The following ANKRD11 variants were observed in gnomAD, a reference collection of about 807,000 sequenced individuals.
The protein encoded by ANKRD11 is ankyrin repeat domain-containing protein 11.
ANKRD11 carries 17 observed loss-of-function variants against 195.7 expected under a neutral mutation model. The ratio of observed to expected loss-of-function variants is 0.09; its 90% CI spans 0.06 to 0.13. The LOEUF is 0.13. Ranked by LOEUF, ANKRD11 falls within the 10% of genes least tolerant of loss-of-function variation. ANKRD11 has a pLI of 1.00. For missense variants in ANKRD11, 3,735 were observed against 3,566.1 expected, an observed-to-expected ratio of 1.05 and a Z score of -1.21; for synonymous variants, 1,953 against 1,528.1, an observed-to-expected ratio of 1.28 and a Z score of -6.49.
Position 89,301,647 on chromosome 16 carries a change from C to T in ANKRD11, c.226+3559G>A, listed in dbSNP as rs539515629. The T allele has an allele frequency of 1.9e-4, 75 of 398,736 alleles. 1 individual carries two copies. The South Asian group carries it at 9.2e-3, about 49-fold the overall frequency. The allele number at this position is 398,736 out of a possible 1,614,324, so 24.7% of individuals were successfully genotyped here. A position where few individuals can be genotyped will look rare whatever the true frequency, so the allele number is the denominator to read the frequency against. On this transcript the variant is annotated intron_variant, in intron 4 of 12. Transcript: ENST00000301030. Reference sequence around the variant, plus strand: ...CTCTTGCCCAGCGCTCTGGAAGACACAGAGGTGATGCTGTCACATGCTCAC... The same window carrying T: ...CTCTTGCCCAGCGCTCTGGAAGACATAGAGGTGATGCTGTCACATGCTCAC...
rs1400566522 is a variant in ANKRD11, at chr16:89,281,284, G to A, written c.5258C>T (p.Thr1753Ile). Residue 1753 changes from threonine (T) to isoleucine (I), a missense_variant, in exon 9 of 13, where the codon ACC (threonine) becomes ATC (isoleucine). Physicochemically the swap from Thr to Ile is moderately conservative, Grantham distance 89. Coordinates refer to ENST00000301030, the MANE Select transcript of ANKRD11 (RefSeq NM_013275.6). This position sits in a 1 kb window ranked among gnomAD's most constrained non-coding sequence, Gnocchi z 5.5. ...QHSTPVPTAP[T>I]SACSPSFFDR... ...GAAAAAGGAGGGGGAGCAGGCGCTG[G>A]TGGGAGCGGTGGGCACGGGCGTGGA... 3.7e-6 allele frequency: 6 copies of A among 1,614,130 alleles called. No homozygotes were observed. Among genetic ancestry groups the A allele is most frequent in the Non-Finnish European group, 5.1e-6 (6 of 1,180,050 alleles).
At chr16:89,301,485 G>A in intron 4 of ANKRD11, 1 of 398,678 alleles carries the variant, frequency 2.5e-6, no homozygotes, top group Admixed American at 4.4e-5. Flanking sequence ...GGGCAGGCAA[G>A]ATGGGCTAGA....
intron 1 of ANKRD11, among the ~76,000 whole-genome samples, chr16:89,455,709 T>A (rs569256356): frequency 6.6e-6 from 1 of 152,156 alleles, no homozygotes; most frequent in Admixed American, 6.6e-5. Context: ...GCAGCCCCCA[T>A]TGCTGGTACA....
At chr16:89,274,669 A>G (rs976921273) in intron 11 of ANKRD11, 145 bp downstream of exon 11, 1 of 1,219,288 alleles carries the variant, frequency 8.2e-7, no homozygotes, top group African/African-American at 1.5e-5. Flanking sequence ...CCAAGGCTAG[A>G]GGCATGCAAA....
intron 2 of ANKRD11, among the ~76,000 whole-genome samples, chr16:89,330,536 G>A (rs2037993927): frequency 6.6e-6 from 1 of 151,866 alleles, no homozygotes; most frequent in African/African-American, 2.4e-5. Context: ...GGTTTCCACA[G>A]TGCAGTCATT....
chr16:89,394,053 C>T (rs2041319033), intron 2 of ANKRD11, among the ~76,000 whole-genome samples: 2 of 152,194 alleles, frequency 1.3e-5, no homozygotes, highest in Non-Finnish European at 2.9e-5. Flanking sequence ...CTGCAGCTCA[C>T]AGGGTGCTCC....
intron 2 of ANKRD11, among the ~76,000 whole-genome samples, chr16:89,386,123 A>C (rs1427667635): frequency 3.3e-5 from 5 of 152,250 alleles, no homozygotes; most frequent in Admixed American, 1.3e-4. Context: ...GTTTTTAAGT[A>C]AAGTCATTAC....
At chr16:89,364,202 T>G (rs1366720752) in intron 2 of ANKRD11, among the ~76,000 whole-genome samples, 2 of 152,230 alleles carry the variant, frequency 1.3e-5, no homozygotes, top group Non-Finnish European at 2.9e-5. Flanking sequence ...CACTTCCACC[T>G]GTGCCCTCAG....
chr16:89,479,856 T>C (rs1367345963), intron 1 of ANKRD11, among the ~76,000 whole-genome samples: 2 of 144,380 alleles, frequency 1.4e-5, no homozygotes, highest in African/African-American at 5.2e-5. Context: ...GGCAGGAGAA[T>C]GGCATGAACC....
Position 89,280,479 on chromosome 16 carries a change from A to G in ANKRD11, c.6063T>C (p.Ser2021=). 6.3e-7 allele frequency: 1 copy of G among 1,587,212 alleles called. No individual in the cohort carries two copies. The highest frequency in any genetic ancestry group is 1.3e-5 in the African/African-American group (1 of 74,412). Residue 2021 remains serine, a synonymous_variant, in exon 9 of 13, where the codon TCT becomes TCC. Transcript: ENST00000301030. ...SEAPYPAPPA[S]PAPYALPVAE... ...CGACGGGCAGAGCGTACGGGGCAGG[A>G]GAGGCGGGAGGGGCGGGGTACGGCG...
At chr16:89,402,088 ACT>A (rs1245853539) in intron 2 of ANKRD11, among the ~76,000 whole-genome samples, 2 of 151,752 alleles carry the variant, frequency 1.3e-5, no homozygotes, top group Admixed American at 6.6e-5. Flanking sequence ...ACCAAGTTTC[ACT>A]CTCTGTCCAT....
At chr16:89,269,191 C>T (rs1300368472) in intron 12 of ANKRD11, among the ~76,000 whole-genome samples, 1 of 152,056 alleles carries the variant, frequency 6.6e-6, no homozygotes, top group African/African-American at 2.4e-5. Context: ...TTTTTAGATA[C>T]CGTCTCAAGG....
At position 89,379,145 on chromosome 16, in the gene ANKRD11, G is replaced by A. The variant is rs150618139; in HGVS notation, c.-60+39139C>T. Among the ~76,000 whole-genome samples the A allele has an allele frequency of 9.2e-3, 1,397 of 152,302 alleles. 20 individuals are homozygous for A. Among genetic ancestry groups the A allele is most frequent in the African/African-American group, 0.032 (1,329 of 41,562 alleles). On this transcript the variant is annotated intron_variant, in intron 2 of 12. Coordinates refer to ENST00000301030, the MANE Select transcript of ANKRD11 (RefSeq NM_013275.6). ...TCACTGGCTTCTAGAAGGTGGGGCC[G>A]GCCCCCATGCCTGCCCCGGCACACG...
intron 3 of ANKRD11, 32 bp downstream of exon 3, chr16:89,316,901 G>C (rs75447322): frequency 6.2e-7 from 1 of 1,607,644 alleles, no homozygotes; most frequent in East Asian, 2.2e-5. Context: ...TGGGTGCGGT[G>C]AGCATGCAGG....
chr16:89,345,059 C>A (rs1236293355), intron 2 of ANKRD11, among the ~76,000 whole-genome samples: 1 of 152,158 alleles, frequency 6.6e-6, no homozygotes, highest in East Asian at 1.9e-4. Flanking sequence ...AAGCCCAGCT[C>A]GGATGGTTTC....
At chr16:89,345,206 T>A (rs1391388462) in intron 2 of ANKRD11, among the ~76,000 whole-genome samples, 1 of 150,468 alleles carries the variant, frequency 6.6e-6, no homozygotes, top group Admixed American at 6.6e-5. Context: ...ACTGTAAAGA[T>A]GGAAAAAAAA....
intron 2 of ANKRD11, among the ~76,000 whole-genome samples, chr16:89,405,738 G>A (rs1000812816): frequency 6.6e-6 from 1 of 152,062 alleles, no homozygotes; most frequent in Admixed American, 6.5e-5. Context: ...GCCTGTCCAC[G>A]AAGCTCCTCC....
In ANKRD11 at chr16:89,374,419, G is replaced by A. The variant is rs898281868; in HGVS notation, c.-60+43865C>T. On this transcript the variant is annotated intron_variant, in intron 2 of 12. Transcript: ENST00000301030. ...ACTTCTGTTCTACATGGGCAGAGCTGAACGATACAACAGGAACTGTACATC... is the reference window on the plus strand; with the variant it reads ...ACTTCTGTTCTACATGGGCAGAGCTAAACGATACAACAGGAACTGTACATC... Among the ~76,000 whole-genome samples the A allele has an allele frequency of 2.0e-5, 3 of 152,050 alleles. No individual in the cohort carries two copies. In the East Asian group the frequency reaches 5.8e-4, roughly 29 times the overall value.
At chr16:89,456,957 CTT>C (rs56161810) in intron 1 of ANKRD11, among the ~76,000 whole-genome samples, 355 of 138,240 alleles carry the variant, frequency 2.6e-3, no homozygotes, top group African/African-American at 9.0e-3. Flanking sequence ...TTATGTGAGT[CTT>C]TTTTTTTTTT....
Sources: allele counts gnomAD v4.1 joint callset (sites outside exome capture counted in the v4.1 genomes callset), GRCh38; gene constraint gnomAD v4.1.1; non-coding constraint Gnocchi (gnomAD v3.1); transcripts MANE v1.5; gene names NCBI Gene and HGNC (gene_info 2026-07-23, HGNC 2026-07-21).